CLSTN2: variants seen among roughly 807,000 people sequenced by gnomAD.
CLSTN2 encodes the protein calsyntenin-2.
A neutral mutation model predicts 101.2 loss-of-function variants in CLSTN2; 48 were observed. The ratio of observed to expected loss-of-function variants is 0.47; its 90% CI spans 0.38 to 0.60. The LOEUF is 0.60. CLSTN2 is among the 20% of genes least tolerant of loss of function. CLSTN2 has a pLI of 0.00. For missense variants in CLSTN2, 1,160 were observed against 1,238.2 expected (o/e 0.94, Z 0.95); for synonymous variants, 481 against 463.6 (o/e 1.04, Z -0.48).
chr3:140,096,419 T>C (rs1349795151), intron 1 of CLSTN2, among the ~76,000 whole-genome samples: 1 of 152,242 alleles, frequency 6.6e-6, no homozygotes, highest in African/African-American at 2.4e-5. Context: ...TGCCAGAGGA[T>C]AAATGTCATC....
chr3:140,540,587 G>C (rs1935456289), intron 9 of CLSTN2, among the ~76,000 whole-genome samples: 1 of 152,052 alleles, frequency 6.6e-6, no homozygotes, highest in Non-Finnish European at 1.5e-5. Flanking sequence ...GTTCATCAAG[G>C]GGCATCCCCA....
At chr3:140,075,160 C>T (rs111312453) in intron 1 of CLSTN2, among the ~76,000 whole-genome samples, 2,627 of 152,240 alleles carry the variant, frequency 0.017, 28 homozygotes, top group Middle Eastern at 0.037. Flanking sequence ...GCTATCTTGG[C>T]CCTCTCTAAA....
chr3:140,187,957 G>A (rs1170345445), intron 2 of CLSTN2, among the ~76,000 whole-genome samples: 1 of 152,108 alleles, frequency 6.6e-6, no homozygotes, highest in African/African-American at 2.4e-5. Context: ...ACTGATCAAA[G>A]GAATCCTTGA....
At chr3:140,023,767 G>C (rs1031332736) in intron 1 of CLSTN2, among the ~76,000 whole-genome samples, 3 of 152,154 alleles carry the variant, frequency 2.0e-5, no homozygotes, top group Admixed American at 2.0e-4. Flanking sequence ...TAGACATTGT[G>C]CCTCGCATTT....
chr3:140,532,338 G>C lies in CLSTN2; in HGVS notation c.1359G>C (p.Glu453Asp). The change falls in exon 9 of 17, where the codon GAG becomes GAC. Residue 453 changes from glutamate (E) to aspartate (D), a missense_variant. Transcript: ENST00000458420. ...HWKLDQICDKEWHYYVINVEF... is the reference protein window; with the variant it reads ...HWKLDQICDKDWHYYVINVEF... The stretch of plus-strand genomic sequence containing the variant: ...CCTTTTCTTAGATTTGTGACAAAGA[G>C]TGGCACTACTATGTCATCAATGTGG... 3 of 1,596,104 alleles carry C rather than the reference G, an allele frequency of 1.9e-6. No homozygotes were observed. Among genetic ancestry groups the C allele is most frequent in the Non-Finnish European group, 2.6e-6 (3 of 1,170,404 alleles).
intron 2 of CLSTN2, among the ~76,000 whole-genome samples, chr3:140,203,801 G>C (rs1374004086): frequency 6.6e-6 from 1 of 152,174 alleles, no homozygotes. Flanking sequence ...CAATGACAGA[G>C]GAAGAGGAGG....
intron 2 of CLSTN2, among the ~76,000 whole-genome samples, chr3:140,242,774 C>A (rs549656708): frequency 2.0e-5 from 3 of 152,186 alleles, no homozygotes; most frequent in South Asian, 2.1e-4. Flanking sequence ...GGAGTCCTTG[C>A]TGCCCAATGG....
intron 1 of CLSTN2, among the ~76,000 whole-genome samples, chr3:140,050,436 A>G (rs1170491055): frequency 6.6e-6 from 1 of 152,236 alleles, no homozygotes; most frequent in Non-Finnish European, 1.5e-5. Flanking sequence ...GGGATAGTGA[A>G]ATATTCAGGG....
At chr3:139,989,359 T>C (rs1008641514) in intron 1 of CLSTN2, among the ~76,000 whole-genome samples, 1 of 152,212 alleles carries the variant, frequency 6.6e-6, no homozygotes, top group African/African-American at 2.4e-5. Context: ...GCTTTCCAGC[T>C]GTGGTTGTTT....
At chr3:140,090,973 T>A (rs774671227) in intron 1 of CLSTN2, among the ~76,000 whole-genome samples, 2 of 152,124 alleles carry the variant, frequency 1.3e-5, no homozygotes, top group Non-Finnish European at 2.9e-5. Context: ...AGCCTGGTGA[T>A]GGGTAGAGGA....
At chr3:140,338,161 A>T (rs1238550002) in intron 2 of CLSTN2, among the ~76,000 whole-genome samples, 2 of 152,194 alleles carry the variant, frequency 1.3e-5, no homozygotes, top group Non-Finnish European at 2.9e-5. Flanking sequence ...GCCCTGGGAC[A>T]GCACCAGCAC....
At chr3:139,943,945 G>A (rs1469273275) in intron 1 of CLSTN2, among the ~76,000 whole-genome samples, 2 of 152,132 alleles carry the variant, frequency 1.3e-5, no homozygotes, top group Non-Finnish European at 2.9e-5. Flanking sequence ...GGAAGCCCCA[G>A]ACCTCCCAAA....
intron 2 of CLSTN2, among the ~76,000 whole-genome samples, chr3:140,371,495 C>T (rs759705327): frequency 1.4e-4 from 22 of 152,148 alleles, no homozygotes; most frequent in Non-Finnish European, 2.6e-4. Flanking sequence ...CTGGTGGCTG[C>T]CCCTGGAACC....
At chr3:140,447,126 C>T (rs889822226) in intron 5 of CLSTN2, among the ~76,000 whole-genome samples, 4 of 152,230 alleles carry the variant, frequency 2.6e-5, no homozygotes, top group African/African-American at 9.6e-5. Context: ...CTGAGTCCCA[C>T]AATGCAGGAC....
Position 140,071,347 on chromosome 3 carries a change from T to TA in CLSTN2, c.110-104594dup, listed in dbSNP as rs757968125. Among the ~76,000 whole-genome samples the TA allele has an allele frequency of 3.3e-4, 49 of 149,068 alleles. 1 individual carries two copies. The highest frequency in any genetic ancestry group is 1.4e-3 in the East Asian group (7 of 5,136). ...AAAGGAGGGTTGATGTATTTTATTC[T>TA]AAAAAAAAAATCCTGTTCAATACCT... On this transcript the variant is annotated intron_variant, in intron 1 of 16. Transcript: ENST00000458420.
chr3:140,511,341 A>G (rs950113240), intron 8 of CLSTN2, among the ~76,000 whole-genome samples: 8 of 152,038 alleles, frequency 5.3e-5, no homozygotes, highest in African/African-American at 1.7e-4. Flanking sequence ...ACGTGCTTGT[A>G]TCTTTATAAT....
intron 1 of CLSTN2, among the ~76,000 whole-genome samples, chr3:140,013,580 C>T (rs1287955921): frequency 2.0e-5 from 3 of 152,144 alleles, no homozygotes; most frequent in East Asian, 1.9e-4. Flanking sequence ...ATATAAACTG[C>T]ATATATGAAC....
At chr3:140,515,473 T>G (rs1480192714) in intron 8 of CLSTN2, among the ~76,000 whole-genome samples, 2 of 152,156 alleles carry the variant, frequency 1.3e-5, no homozygotes, top group African/African-American at 2.4e-5. Flanking sequence ...TGTCCATTTG[T>G]GCTCTTTCAG....
chr3:140,533,204 T>G (rs986159323), intron 9 of CLSTN2, among the ~76,000 whole-genome samples: 1 of 152,236 alleles, frequency 6.6e-6, no homozygotes, highest in Non-Finnish European at 1.5e-5. Context: ...CACTCAGGTC[T>G]GCTGGAGTCT....
Sources: allele counts gnomAD v4.1 joint callset (sites outside exome capture counted in the v4.1 genomes callset), GRCh38; gene constraint gnomAD v4.1.1; transcripts MANE v1.5; gene names NCBI Gene and HGNC (gene_info 2026-07-23, HGNC 2026-07-21).